KCNK9: variants seen among roughly 807,000 people sequenced by gnomAD.
The protein encoded by KCNK9 is potassium channel subfamily K member 9.
In KCNK9, 1 loss-of-function variant was observed where a neutral mutation model predicts 10.8. The observed-to-expected ratio is 0.09, with a 90% confidence interval of 0.03 to 0.44. The LOEUF is 0.44. KCNK9 is among the 20% of genes least tolerant of loss of function. KCNK9 has a pLI of 0.97. For missense variants in KCNK9, 303 were observed against 515.0 expected (o/e 0.59, Z 3.98); for synonymous variants, 231 against 222.7 (o/e 1.04, Z -0.33).
At chr8:139,648,541 T>G (rs1454354667) in intron 1 of KCNK9, among the ~76,000 whole-genome samples, 1 of 152,246 alleles carries the variant, frequency 6.6e-6, no homozygotes, top group African/African-American at 2.4e-5. Context: ...GGACTGAGAA[T>G]GGGCCACTAG....
In KCNK9 at chr8:139,631,522, C is replaced by T. The variant is rs539544475; in HGVS notation, c.284-12423G>A. On this transcript the variant is annotated intron_variant, in intron 1 of 1. Transcript: ENST00000520439. ...CTGGCTGCAGGCTGGGCGCCCACACCTGGTCAGGCACTGGAGAGAAACCTG... is the reference window on the plus strand; with the variant it reads ...CTGGCTGCAGGCTGGGCGCCCACACTTGGTCAGGCACTGGAGAGAAACCTG... 1.5e-4 allele frequency among the ~76,000 whole-genome samples: 23 copies of T among 152,318 alleles called. No homozygotes were observed. In the South Asian group the frequency reaches 2.1e-3, roughly 14 times the overall value.
intron 1 of KCNK9, among the ~76,000 whole-genome samples, chr8:139,661,144 C>T (rs191467133): frequency 9.2e-5 from 14 of 152,342 alleles, no homozygotes; most frequent in African/African-American, 7.2e-5. Context: ...GGTCCGATCA[C>T]GCAGACAAGG....
intron 1 of KCNK9, among the ~76,000 whole-genome samples, chr8:139,689,627 C>T (rs1458662284): frequency 6.7e-6 from 1 of 148,752 alleles, no homozygotes; most frequent in African/African-American, 2.5e-5. Flanking sequence ...TGCTGCTCTC[C>T]TGTGCCTTTG....
chr8:139,606,564 T>C (rs1470817595), intron 2 of KCNK9, among the ~76,000 whole-genome samples: 1 of 152,208 alleles, frequency 6.6e-6, no homozygotes, highest in Non-Finnish European at 1.5e-5. Context: ...ATTTCTTCTA[T>C]GCCTGGAGTC....
intron 2 of KCNK9, among the ~76,000 whole-genome samples, chr8:139,604,115 A>T (rs759557892): frequency 3.5e-4 from 54 of 152,220 alleles, no homozygotes; most frequent in Non-Finnish European, 7.5e-4. Flanking sequence ...GAGGAAGAGA[A>T]GGATGCAAGA....
At chr8:139,641,231 C>G (rs1815496437) in intron 1 of KCNK9, among the ~76,000 whole-genome samples, 1 of 152,180 alleles carries the variant, frequency 6.6e-6, no homozygotes, top group Admixed American at 6.5e-5. Context: ...CCTGCAGGAA[C>G]AGCTCATTCA....
chr8:139,620,942 C>G (rs1368793625), intron 1 of KCNK9, among the ~76,000 whole-genome samples: 1 of 151,858 alleles, frequency 6.6e-6, no homozygotes, highest in Non-Finnish European at 1.5e-5. Context: ...AAAAGGTGTC[C>G]CAGAAGGAAA....
At chr8:139,626,550 C>T (rs1814983801) in intron 1 of KCNK9, among the ~76,000 whole-genome samples, 1 of 152,132 alleles carries the variant, frequency 6.6e-6, no homozygotes, top group African/African-American at 2.4e-5. Flanking sequence ...ATGGTCACCT[C>T]CCTCCCTGGG....
intron 1 of KCNK9, among the ~76,000 whole-genome samples, chr8:139,691,712 T>C (rs1157692341): frequency 6.6e-6 from 1 of 152,216 alleles, no homozygotes; most frequent in Non-Finnish European, 1.5e-5. Flanking sequence ...TTCCCTTCAG[T>C]CTGTGGAAAC....
chr8:139,609,839 C>T (rs549937277), downstream of KCNK9, among the ~76,000 whole-genome samples: 1 of 152,218 alleles, frequency 6.6e-6, no homozygotes, highest in Admixed American at 6.5e-5. Context: ...AGCCAGTCCT[C>T]CCCACACTGG....
intron 1 of KCNK9, among the ~76,000 whole-genome samples, chr8:139,621,971 G>T (rs1052877530): frequency 1.3e-5 from 2 of 152,186 alleles, no homozygotes; most frequent in African/African-American, 4.8e-5. Flanking sequence ...AGGTGCCAGG[G>T]TCCCCCACCC....
chr8:139,672,702 G>A (rs1007512826), intron 1 of KCNK9, among the ~76,000 whole-genome samples: 10 of 152,228 alleles, frequency 6.6e-5, no homozygotes, highest in Non-Finnish European at 1.3e-4. Context: ...TCTACAGCAG[G>A]CTTGGGGCCA....
chr8:139,644,720 C>CCG (rs1554622185), intron 1 of KCNK9, among the ~76,000 whole-genome samples: 5 of 150,822 alleles, frequency 3.3e-5, no homozygotes, highest in African/African-American at 1.2e-4. Flanking sequence ...CCCTGTCCCC[C>CCG]CCCCCCAGAG....
intron 1 of KCNK9, among the ~76,000 whole-genome samples, chr8:139,664,499 T>TA (rs897649757): frequency 4.0e-5 from 6 of 151,832 alleles, no homozygotes; most frequent in Non-Finnish European, 7.4e-5. Flanking sequence ...ATTAGCTAAA[T>TA]ATGCTCCCCC....
downstream of KCNK9, among the ~76,000 whole-genome samples, chr8:139,614,547 G>A (rs547748445): frequency 1.3e-5 from 2 of 152,342 alleles, no homozygotes; most frequent in Admixed American, 6.5e-5. Flanking sequence ...CTGTGCTTAA[G>A]GGGCTGTTGC....
chr8:139,667,708 G>C (rs1185090778), intron 1 of KCNK9, among the ~76,000 whole-genome samples: 3 of 151,446 alleles, frequency 2.0e-5, no homozygotes, highest in South Asian at 2.1e-4. Context: ...AAAAAAAAAT[G>C]GTCCTCACAA....
chr8:139,656,315 C>A (rs1816018809), intron 1 of KCNK9, among the ~76,000 whole-genome samples: 1 of 152,174 alleles, frequency 6.6e-6, no homozygotes, highest in Non-Finnish European at 1.5e-5. Context: ...TCAGCCTGGG[C>A]CACTAACTCT....
At chr8:139,687,500 A>ATATATATGTGTATACACATATATT (rs1440259139) in intron 1 of KCNK9, among the ~76,000 whole-genome samples, 2 of 64,464 alleles carry the variant, frequency 3.1e-5, no homozygotes, top group Non-Finnish European at 6.4e-5. Context: ...ACACATATAT[A>ATATATATGTGTATACACATATATT]CATATATATG....
rs186212608 is a variant in KCNK9 at position 139,687,620 on chromosome 8, A to G, written c.283+15090T>C. On this transcript the variant is annotated intron_variant, in intron 1 of 1. Coordinates refer to ENST00000520439, the MANE Select transcript of KCNK9 (RefSeq NM_001282534.2). ...CATATGTATACATATGTATACATAT[A>G]TATTCATATGTATACATATGTATAC... Among the ~76,000 whole-genome samples, 306 of 75,410 alleles carry G rather than the reference A, an allele frequency of 4.1e-3. 11 individuals are homozygous for G. Among genetic ancestry groups the G allele is most frequent in the African/African-American group, 0.013 (288 of 22,394 alleles). 49.5% of individuals were successfully genotyped at this position (75,410 alleles called of 152,430 possible).
Sources: allele counts gnomAD v4.1 joint callset (sites outside exome capture counted in the v4.1 genomes callset), GRCh38; gene constraint gnomAD v4.1.1; transcripts MANE v1.5; gene names NCBI Gene and HGNC (gene_info 2026-07-23, HGNC 2026-07-21).